NTM: variants seen among roughly 807,000 people sequenced by gnomAD.
NTM encodes the protein neurotrimin, also known as IgLON family member 2.
Under a neutral mutation model 42.1 loss-of-function variants are expected in NTM, and 13 were observed. The observed-to-expected ratio is 0.31, with a 90% confidence interval of 0.20 to 0.49. The LOEUF (loss-of-function observed/expected upper bound fraction) is 0.49. Among genes scored for constraint, NTM ranks in the 20% least tolerant of loss-of-function variants. The pLI is 0.99. For synonymous variants in NTM, 187 were observed against 179.2 expected (o/e 1.04, Z -0.35); for missense variants, 373 against 452.8 (o/e 0.82, Z 1.60).
chr11:131,521,976 C>G (rs1311489329), intron 1 of NTM, among the ~76,000 whole-genome samples: 3 of 152,034 alleles, frequency 2.0e-5, no homozygotes, highest in Non-Finnish European at 4.4e-5. Context: ...GTCAAACATC[C>G]TTTGAAATTA....
Position 131,840,803 on chromosome 11 carries a change from C to T in NTM, c.83-70761C>T, listed in dbSNP as rs113995524. Among the ~76,000 whole-genome samples the T allele has an allele frequency of 2.6e-3, 401 of 152,192 alleles. 1 individual carries two copies. The highest frequency in any genetic ancestry group is 9.0e-3 in the African/African-American group (375 of 41,520). On this transcript the variant is annotated intron_variant, in intron 1 of 8. Transcript: ENST00000683400. ...TGCTGGCTCACTGGAGGACCTGGAG[C>T]GGGACCCTGGAAGTGCTCTTCTGAA...
At chr11:131,813,579 T>C (rs191256416) in intron 1 of NTM, among the ~76,000 whole-genome samples, 4 of 152,274 alleles carry the variant, frequency 2.6e-5, no homozygotes, top group African/African-American at 9.6e-5. Flanking sequence ...TTAAGACTTT[T>C]CCATAGGTAG....
At chr11:132,332,158 A>AGAT (rs2095811874) in intron 8 of NTM, 1 of 152,278 alleles carries the variant, frequency 6.6e-6, no homozygotes, top group Non-Finnish European at 1.5e-5. Context: ...GGGAATTGAA[A>AGAT]GATGAGATGG....
intron 1 of NTM, among the ~76,000 whole-genome samples, chr11:131,590,991 C>T (rs991962116): frequency 5.3e-5 from 8 of 152,140 alleles, no homozygotes; most frequent in African/African-American, 1.2e-4. Flanking sequence ...AGAAGGGCTC[C>T]GGGTAACCTG....
intron 2 of NTM, among the ~76,000 whole-genome samples, chr11:131,913,740 C>G (rs1347922517): frequency 6.6e-6 from 1 of 152,064 alleles, no homozygotes; most frequent in Non-Finnish European, 1.5e-5. Flanking sequence ...CTTTCTAGAC[C>G]CTTGAATTGA....
At chr11:132,258,322 A>G (rs1026276038) in intron 4 of NTM, among the ~76,000 whole-genome samples, 3 of 152,008 alleles carry the variant, frequency 2.0e-5, no homozygotes, top group African/African-American at 7.2e-5. Context: ...GTTATTGTGC[A>G]TTTGCCTCAA....
At chr11:131,629,723 C>A (rs1256119686) in intron 1 of NTM, among the ~76,000 whole-genome samples, 1 of 152,154 alleles carries the variant, frequency 6.6e-6, no homozygotes, top group Non-Finnish European at 1.5e-5. Context: ...AGGACAGAAC[C>A]TCATTTGCTT....
chr11:131,793,544 C>T (rs1411630693), intron 1 of NTM, among the ~76,000 whole-genome samples: 1 of 152,228 alleles, frequency 6.6e-6, no homozygotes, highest in African/African-American at 2.4e-5. Context: ...TAAACAATTT[C>T]TCAAAGCCAT....
At chr11:131,467,390 G>T (rs1951996498) in intron 1 of NTM, among the ~76,000 whole-genome samples, 1 of 152,178 alleles carries the variant, frequency 6.6e-6, no homozygotes, top group Non-Finnish European at 1.5e-5. Context: ...CCCACCAGGA[G>T]GGCTCTGGAC....
chr11:131,650,145 G>T (rs1015556108), intron 1 of NTM, among the ~76,000 whole-genome samples: 1 of 152,206 alleles, frequency 6.6e-6, no homozygotes, highest in African/African-American at 2.4e-5. Context: ...TAGCAGGACC[G>T]TGAGGCAGTC....
Position 131,884,709 on chromosome 11 carries a change from T to G in NTM, c.83-26855T>G, listed in dbSNP as rs1164226228. Among the ~76,000 whole-genome samples the G allele has an allele frequency of 5.3e-5, 8 of 152,206 alleles. No homozygotes were observed. In the East Asian group the frequency reaches 1.5e-3, roughly 29 times the overall value. ...ATCGGAAATCATGGAAAGGGGGCCA[T>G]TCGGGAAGAGGCTCGCCATCCTATC... On this transcript the variant is annotated intron_variant, in intron 1 of 8. Transcript: ENST00000683400.
At chr11:132,065,284 A>G (rs1302151200) in intron 2 of NTM, among the ~76,000 whole-genome samples, 1 of 152,190 alleles carries the variant, frequency 6.6e-6, no homozygotes, top group Non-Finnish European at 1.5e-5. Context: ...ACTCCTCACC[A>G]CATACATGCA....
intron 1 of NTM, among the ~76,000 whole-genome samples, chr11:131,455,180 C>T (rs560663842): frequency 1.4e-4 from 22 of 152,206 alleles, no homozygotes; most frequent in Non-Finnish European, 3.1e-4. Flanking sequence ...ATGGGTGACT[C>T]AGTAATCGAC....
intron 1 of NTM, among the ~76,000 whole-genome samples, chr11:131,556,220 T>A (rs1428678436): frequency 6.6e-6 from 1 of 152,168 alleles, no homozygotes; most frequent in East Asian, 1.9e-4. Flanking sequence ...CCAAGTCACC[T>A]TCCCCTGGCA....
chr11:131,965,361 A>G, intron 2 of NTM, among the ~76,000 whole-genome samples: 1 of 152,162 alleles, frequency 6.6e-6, no homozygotes, highest in Admixed American at 6.5e-5. Context: ...AATAACTTAT[A>G]GAGTGAGGCA....
intron 3 of NTM, among the ~76,000 whole-genome samples, chr11:132,163,439 C>T (rs1489441408): frequency 6.6e-6 from 1 of 152,146 alleles, no homozygotes; most frequent in African/African-American, 2.4e-5. Context: ...CTTATTGAAA[C>T]CTGATTATGT....
chr11:132,069,726 C>A (rs1281163678), intron 2 of NTM, among the ~76,000 whole-genome samples: 1 of 150,824 alleles, frequency 6.6e-6, no homozygotes, highest in African/African-American at 2.5e-5. Flanking sequence ...GTCACACTGA[C>A]CATCACAGGT....
intron 2 of NTM, among the ~76,000 whole-genome samples, chr11:132,099,641 A>G (rs923874909): frequency 6.6e-6 from 1 of 152,188 alleles, no homozygotes; most frequent in Non-Finnish European, 1.5e-5. Context: ...GTTCCCTGAA[A>G]TCTACTAAAT....
At chr11:131,574,726 C>A (rs1465828399) in intron 1 of NTM, among the ~76,000 whole-genome samples, 1 of 152,040 alleles carries the variant, frequency 6.6e-6, no homozygotes, top group Non-Finnish European at 1.5e-5. Context: ...AGAGGTGTGG[C>A]CTACACCTTG....
Sources: gnomAD v4.1 joint callset for allele counts (sites outside exome capture counted in the v4.1 genomes callset) on GRCh38, gnomAD v4.1.1 for gene constraint, MANE v1.5 for transcripts, NCBI Gene and HGNC (gene_info 2026-07-23, HGNC 2026-07-21) for gene names.